APOO: variants seen among roughly 807,000 people sequenced by gnomAD.
The protein encoded by APOO is MICOS complex subunit MIC26.
In APOO, 11 loss-of-function variants were observed where a neutral mutation model predicts 23.1. That is an observed-to-expected ratio of 0.48 (90% CI 0.30 to 0.79). The LOEUF is 0.79. APOO is among the 30% of genes least tolerant of loss of function. APOO has a pLI of 0.07. For synonymous variants in APOO, 59 were observed against 54.8 expected (o/e 1.08, Z -0.34); for missense variants, 160 against 142.7 (o/e 1.12, Z -0.62).
chrX:23,893,133 AAAGGCC>A (rs2147041063), intron 1 of APOO, among the ~76,000 whole-genome samples: 1 of 109,662 alleles, frequency 9.1e-6, no homozygotes, highest in East Asian at 2.9e-4. Context: ...AAATCAAGAG[AAAGGCC>A]GGGCGCGGTG....
intron 1 of APOO, among the ~76,000 whole-genome samples, chrX:23,884,275 G>A (rs1209495727): frequency 9.0e-6 from 1 of 110,942 alleles, no homozygotes; most frequent in Non-Finnish European, 1.9e-5. Flanking sequence ...CAGTTATGGT[G>A]CTGCTAAAAC....
chrX:23,862,557 C>T (rs778148334), intron 5 of APOO, among the ~76,000 whole-genome samples: 2 of 106,737 alleles, frequency 1.9e-5, no homozygotes, highest in African/African-American at 3.4e-5. Flanking sequence ...AGGAAGACTG[C>T]TTGAGCTCGG....
intron 1 of APOO, among the ~76,000 whole-genome samples, chrX:23,884,327 G>T (rs746106898): frequency 9.0e-6 from 1 of 111,067 alleles, no homozygotes; most frequent in Non-Finnish European, 1.9e-5. Flanking sequence ...GATTGCACAG[G>T]AGAGGAGAAA....
At chrX:23,847,280 T>G (rs922762201) in intron 7 of APOO, among the ~76,000 whole-genome samples, 2 of 111,873 alleles carry the variant, frequency 1.8e-5, no homozygotes, top group Non-Finnish European at 3.8e-5. Flanking sequence ...AACTATCAAA[T>G]ATGTTTAAAT....
chrX:23,906,651 CTG>C (rs1413905617), intron 1 of APOO, among the ~76,000 whole-genome samples: 1 of 112,754 alleles, frequency 8.9e-6, no homozygotes, highest in African/African-American at 3.2e-5. Flanking sequence ...CCTGACTAAA[CTG>C]TGAGCTGCCT....
At chrX:23,869,734 G>A (rs1290238966) in intron 4 of APOO, among the ~76,000 whole-genome samples, 2 of 105,753 alleles carry the variant, frequency 1.9e-5, no homozygotes, top group Admixed American at 1.0e-4. Flanking sequence ...GGCGGATCAC[G>A]AGGTCAGGAG....
intron 1 of APOO, among the ~76,000 whole-genome samples, chrX:23,884,508 A>ATGT (rs1278410601): frequency 1.6e-4 from 18 of 112,218 alleles, no homozygotes. Context: ...CTGTTTTGAA[A>ATGT]TATGTGTACA....
At chrX:23,837,034 T>C in intron 8 of APOO, 1 of 750,461 alleles carries the variant, frequency 1.3e-6, no homozygotes, top group Non-Finnish European at 2.1e-6. Flanking sequence ...GAAGTGAGCA[T>C]ACACAGACCT....
chrX:23,843,039 A>G (rs1924069224), intron 7 of APOO, among the ~76,000 whole-genome samples: 1 of 111,671 alleles, frequency 9.0e-6, no homozygotes, highest in South Asian at 3.7e-4. Flanking sequence ...AAACAAAAAA[A>G]CAAGTTAGTT....
intron 4 of APOO, among the ~76,000 whole-genome samples, chrX:23,869,139 C>T (rs1925484028): frequency 9.1e-6 from 1 of 109,919 alleles, no homozygotes; most frequent in Non-Finnish European, 1.9e-5. Context: ...GAACTCCTGA[C>T]CTCAGGTGAT....
At chrX:23,871,136 T>C (rs1379341631) in intron 4 of APOO, among the ~76,000 whole-genome samples, 1 of 98,941 alleles carries the variant, frequency 1.0e-5, no homozygotes, top group Non-Finnish European at 2.0e-5. Flanking sequence ...CAGGAGTTGA[T>C]AAATACTGGA....
At chrX:23,857,756 G>T (rs888227238) in intron 6 of APOO, among the ~76,000 whole-genome samples, 1 of 111,193 alleles carries the variant, frequency 9.0e-6, no homozygotes, top group Admixed American at 9.7e-5. Flanking sequence ...ATCTGCCCAG[G>T]ACCTCAAAAC....
intron 1 of APOO, among the ~76,000 whole-genome samples, chrX:23,894,788 C>T (rs956816708): frequency 2.8e-5 from 3 of 107,721 alleles, no homozygotes; most frequent in African/African-American, 1.0e-4. Flanking sequence ...AAGAGTGAAA[C>T]TCCGCTTAAA....
intron 1 of APOO, among the ~76,000 whole-genome samples, chrX:23,888,309 T>C (rs937596504): frequency 8.9e-6 from 1 of 112,145 alleles, no homozygotes; most frequent in African/African-American, 3.2e-5. Context: ...CCACTGAAGC[T>C]TGCGAAGGAC....
chrX:23,848,895 C>T (rs1924387122), intron 7 of APOO, among the ~76,000 whole-genome samples: 1 of 93,456 alleles, frequency 1.1e-5, no homozygotes, highest in South Asian at 5.5e-4. Flanking sequence ...CTCACTCTGT[C>T]GCCCAGGCTG....
intron 7 of APOO, 84 bp from the exon 8 acceptor site, chrX:23,840,461 T>C: frequency 1.1e-6 from 1 of 886,987 alleles, no homozygotes; most frequent in Non-Finnish European, 1.6e-6. Flanking sequence ...TGGCTGAACA[T>C]GAACATTAAA....
chrX:23,889,656 G>GT (rs138373055), intron 1 of APOO, among the ~76,000 whole-genome samples: 707 of 61,812 alleles, frequency 0.011, 5 homozygotes, highest in Middle Eastern at 0.018. Context: ...CTGGGGAGTT[G>GT]TTTTTTTTTT....
At chrX:23,876,590 A>T (rs1925867742) in intron 3 of APOO, among the ~76,000 whole-genome samples, 1 of 110,360 alleles carries the variant, frequency 9.1e-6, no homozygotes, top group Admixed American at 9.8e-5. Context: ...CACAAGGTCA[A>T]GAGATCAAGA....
chrX:23,885,389 T>TTA lies in APOO; in HGVS notation c.10-4439_10-4438dup, dbSNP rs745832909. Among the ~76,000 whole-genome samples the TTA allele has an allele frequency of 5.5e-3, 581 of 104,834 alleles. 2 individuals are homozygous for TTA. The highest frequency in any genetic ancestry group is 0.019 in the African/African-American group (543 of 28,903). The allele number at this position is 104,834 out of a possible 115,157, so 91.0% of individuals were successfully genotyped here. A position where few individuals can be genotyped will look rare whatever the true frequency, so the allele number is the denominator to read the frequency against. ...ACTCCAGCCTCGGCAAATATATATA[T>TTA]TATATATATATATAAATATATAACT... On this transcript the variant is annotated intron_variant, in intron 1 of 8. Transcript: ENST00000379226.
Sources: gnomAD v4.1 joint callset for allele counts (sites outside exome capture counted in the v4.1 genomes callset) on GRCh38, gnomAD v4.1.1 for gene constraint, MANE v1.5 for transcripts, NCBI Gene and HGNC (gene_info 2026-07-23, HGNC 2026-07-21) for gene names.